Variants in FGL1 observed in about 807,000 individuals in gnomAD.
FGL1 encodes fibrinogen like 1.
In FGL1, 59 loss-of-function variants were observed where a neutral mutation model predicts 43.7. The ratio of observed to expected loss-of-function variants is 1.35; its 90% confidence interval spans 1.10 to 1.68. The LOEUF (loss-of-function observed/expected upper bound fraction) is 1.68. Ranked by LOEUF, FGL1 falls within the 40% of genes most tolerant of loss-of-function variation. The pLI is 0.00. For synonymous variants in FGL1, 192 were observed against 126.5 expected (o/e 1.52, Z -3.48); for missense variants, 596 against 373.0 (o/e 1.60, Z -4.92).
Position 17,871,698 on chromosome 8 carries a change from C to T in FGL1, c.502+2321G>A, listed in dbSNP as rs552004837. Among the ~76,000 whole-genome samples, 15 of 152,054 alleles carry T rather than the reference C, an allele frequency of 9.9e-5. No homozygotes were observed. The South Asian group carries it at 3.1e-3, about 32-fold the overall frequency. ...AGAGGTAATTCATTAATTCATTAGCCGTAATGCTCTCATAATTAAAGAATG... is the reference window on the plus strand; with the variant it reads ...AGAGGTAATTCATTAATTCATTAGCTGTAATGCTCTCATAATTAAAGAATG... On this transcript the variant is annotated intron_variant, in intron 5 of 7. Transcript: ENST00000427924.
In FGL1 at chr8:17,889,260, C is replaced by T. The variant is rs140256751; in HGVS notation, c.-17-3689G>A. Among the ~76,000 whole-genome samples the T allele has an allele frequency of 1.8e-3, 270 of 152,238 alleles. 2 individuals carry two copies. The highest frequency in any genetic ancestry group is 6.3e-3 in the African/African-American group (263 of 41,540). On this transcript the variant is annotated intron_variant, in intron 1 of 7. Coordinates refer to ENST00000427924, the MANE Select transcript of FGL1 (RefSeq NM_004467.4). The stretch of plus-strand genomic sequence containing the variant: ...GTTTGGGCATCACTAAACACTCTGC[C>T]GAACTTTGGCTGGGCGTGGTGGCTT...
intron 2 of FGL1, among the ~76,000 whole-genome samples, chr8:17,884,994 A>G (rs566793707): frequency 6.6e-6 from 1 of 152,152 alleles, no homozygotes; most frequent in African/African-American, 2.4e-5. Flanking sequence ...GTGAATTTTT[A>G]AAAATTACTT....
intron 2 of FGL1, 86 bp downstream of exon 2, chr8:17,885,377 CCACATAGTTAAGTTTTTTCAATGACAAGT>C: frequency 1.2e-6 from 1 of 836,238 alleles, no homozygotes; most frequent in South Asian, 1.7e-5. Context: ...TTTGCTTTTC[CCACATAGTTAAGTTTTTTCAATGACAAGT>C]CACTATAGGT....
At chr8:17,883,178 A>C (rs1302907013) in intron 2 of FGL1, among the ~76,000 whole-genome samples, 1 of 97,900 alleles carries the variant, frequency 1.0e-5, no homozygotes, top group East Asian at 3.4e-4. Context: ...AATAATATAT[A>C]ATATATATCA....
intron 7 of FGL1, among the ~76,000 whole-genome samples, chr8:17,867,774 G>T (rs984039075): frequency 4.4e-4 from 67 of 152,144 alleles, no homozygotes; most frequent in African/African-American, 1.5e-3. Flanking sequence ...AGAATGACAT[G>T]CAATTTAAAA....
intron 1 of FGL1, among the ~76,000 whole-genome samples, chr8:17,889,647 G>T: frequency 6.6e-6 from 1 of 152,126 alleles, no homozygotes; most frequent in East Asian, 1.9e-4. Flanking sequence ...CAAGCACAAG[G>T]ATGCTTATGA....
intron 3 of FGL1, among the ~76,000 whole-genome samples, chr8:17,880,804 C>G (rs117816066): frequency 6.6e-6 from 1 of 152,128 alleles, no homozygotes; most frequent in South Asian, 2.1e-4. Flanking sequence ...TGGAGGAATT[C>G]AAGTGAACAG....
intron 1 of FGL1, 157 bp downstream of exon 1, chr8:17,895,290 C>G (rs939123578): frequency 1.3e-5 from 14 of 1,050,038 alleles, no homozygotes; most frequent in Non-Finnish European, 1.5e-5. Flanking sequence ...AATTCTAAAT[C>G]TCTTCTCCAA....
intron 2 of FGL1, among the ~76,000 whole-genome samples, chr8:17,885,090 G>T (rs188867522): frequency 6.6e-6 from 1 of 151,544 alleles, no homozygotes; most frequent in African/African-American, 2.4e-5. Context: ...GCCCAGGCTG[G>T]AGTGAAGTGG....
intron 1 of FGL1, 153 bp from the exon 2 acceptor site, chr8:17,885,724 C>G: frequency 1.6e-6 from 1 of 608,200 alleles, no homozygotes; most frequent in East Asian, 2.8e-5. Flanking sequence ...CTTTCCCAGC[C>G]TCTCACCACA....
At chr8:17,891,053 A>C (rs2053697374) in intron 1 of FGL1, among the ~76,000 whole-genome samples, 3 of 152,164 alleles carry the variant, frequency 2.0e-5, no homozygotes, top group Non-Finnish European at 4.4e-5. Flanking sequence ...AATATAATGA[A>C]ATATTATAAT....
intron 2 of FGL1, chr8:17,882,665 T>C (rs2053554439): frequency 1.5e-5 from 2 of 129,320 alleles, no homozygotes; most frequent in African/African-American, 7.1e-5. Flanking sequence ...TGAATGGCTG[T>C]CTGGTATAAA....
chr8:17,867,241 G>A (rs577134055), intron 7 of FGL1, among the ~76,000 whole-genome samples: 1 of 152,090 alleles, frequency 6.6e-6, no homozygotes, highest in African/African-American at 2.4e-5. Context: ...AACCGAAACA[G>A]CTACGAAGTG....
intron 3 of FGL1, among the ~76,000 whole-genome samples, chr8:17,874,855 G>A (rs547552967): frequency 3.0e-4 from 46 of 151,382 alleles, no homozygotes; most frequent in East Asian, 1.9e-3. Flanking sequence ...GGCTGGTCTC[G>A]AACTCCTGGC....
At chr8:17,872,640 C>A (rs975860260) in intron 5 of FGL1, among the ~76,000 whole-genome samples, 1 of 152,014 alleles carries the variant, frequency 6.6e-6, no homozygotes, top group Non-Finnish European at 1.5e-5. Context: ...ACTTAGCATG[C>A]TTTTTTGGGC....
At chr8:17,874,335 T>C in intron 4 of FGL1, 27 bp downstream of exon 4, 1 of 1,599,024 alleles carries the variant, frequency 6.3e-7, no homozygotes, top group Non-Finnish European at 8.5e-7. Flanking sequence ...CTGCTACATA[T>C]AAAGTCTTAC....
intron 3 of FGL1, among the ~76,000 whole-genome samples, chr8:17,876,072 A>G (rs1463656847): frequency 6.6e-6 from 1 of 152,212 alleles, no homozygotes; most frequent in Non-Finnish European, 1.5e-5. Context: ...AGTAGTGGTC[A>G]CTATAAACAA....
chr8:17,886,622 G>C (rs986039256), intron 1 of FGL1, among the ~76,000 whole-genome samples: 4 of 152,124 alleles, frequency 2.6e-5, no homozygotes, highest in African/African-American at 4.8e-5. Context: ...GCCAGGCGTG[G>C]TGGTGGGCGC....
intron 7 of FGL1, among the ~76,000 whole-genome samples, chr8:17,866,419 G>A (rs2053270364): frequency 6.6e-6 from 1 of 152,138 alleles, no homozygotes; most frequent in Non-Finnish European, 1.5e-5. Context: ...GAAGAACTAT[G>A]GGACAGAAAA....
Sources: gnomAD v4.1 joint callset for allele counts (sites outside exome capture counted in the v4.1 genomes callset) on GRCh38, gnomAD v4.1.1 for gene constraint, MANE v1.5 for transcripts, NCBI Gene and HGNC (gene_info 2026-07-23, HGNC 2026-07-21) for gene names.